The following APOL4 variants were observed in gnomAD, a reference collection of about 807,000 sequenced individuals.
The protein encoded by APOL4 is apolipoprotein L4.
A neutral mutation model predicts 12.1 loss-of-function variants in APOL4; 14 were observed. That is an observed-to-expected ratio of 1.16 (90% CI 0.76 to 1.81). The LOEUF (loss-of-function observed/expected upper bound fraction) is 1.81, where lower values mean the gene tolerates loss of function less well. Ranked by LOEUF, APOL4 falls within the 40% of genes most tolerant of loss-of-function variation. The pLI is 0.00. For synonymous variants in APOL4, 171 were observed against 160.6 expected (o/e 1.06, Z -0.49); for missense variants, 432 against 423.1 (o/e 1.02, Z -0.18).
intron 2 of APOL4, among the ~76,000 whole-genome samples, chr22:36,197,006 A>G (rs2014429330): frequency 6.6e-6 from 1 of 151,972 alleles, no homozygotes. Flanking sequence ...CTCAGCACTG[A>G]TCCTTGTGGC....
upstream of APOL4, among the ~76,000 whole-genome samples, chr22:36,202,270 C>T (rs2014605876): frequency 3.3e-5 from 5 of 152,232 alleles, no homozygotes; most frequent in South Asian, 1.0e-3. Flanking sequence ...CCATGCTGGG[C>T]TAATTTGTTA....
intron 2 of APOL4, among the ~76,000 whole-genome samples, chr22:36,197,302 G>A (rs1255529746): frequency 1.3e-5 from 2 of 152,306 alleles, no homozygotes; most frequent in East Asian, 3.9e-4. Context: ...GGTTGCCATG[G>A]CAACTCTGTA....
rs770202872 is a variant in APOL4 at position 36,191,111 on chromosome 22, C to T, written c.1011G>A (p.Glu337=). 32 of 1,608,742 alleles carry T rather than the reference C, an allele frequency of 2.0e-5. 1 individual carries two copies. The East Asian group carries it at 7.2e-4, about 36-fold the overall frequency. Residue 337 remains glutamate (E), a synonymous_variant, in exon 4 of 4, where the codon GAG becomes GAA. Coordinates refer to ENST00000683024, the MANE Select transcript of APOL4 (RefSeq NM_001386885.1). ...TTAGACTCTGATGGATATGGGTGAG[C>T]TCATTGAGATTCTCCTCCAGCTCCT... ...WAQELEENLN[E]LTHIHQSLKA...
Position 36,191,580 on chromosome 22 carries a change from G to C in APOL4, c.542C>G (p.Thr181Arg), listed in dbSNP as rs373653186. 9.9e-6 allele frequency: 16 copies of C among 1,613,484 alleles called. No homozygotes were observed. The highest frequency in any genetic ancestry group is 4.0e-5 in the African/African-American group (3 of 74,912). ...CACGATGCTGGAGGCGATCCCAGCC[G>C]TGGCAGATGCTATTCCCAGCCCTAC... is the stretch of plus-strand genomic sequence containing the variant. ...AGVGLGIASA[T>R]AGIASSIVEN... Residue 181 changes from threonine to arginine, a missense_variant, in exon 4 of 4, where the codon ACG becomes AGG. By Grantham distance (71) the Thr-to-Arg change is moderately conservative. Transcript: ENST00000683024.
intron 1 of APOL4, chr22:36,199,751 T>G: frequency 9.4e-7 from 1 of 1,068,176 alleles, no homozygotes; most frequent in African/African-American, 1.6e-5. Flanking sequence ...TAATTGATGA[T>G]AGCCAGTCTG....
intron 3 of APOL4, among the ~76,000 whole-genome samples, chr22:36,192,737 C>A (rs1332547513): frequency 6.6e-6 from 1 of 152,146 alleles, no homozygotes; most frequent in Admixed American, 6.5e-5. Context: ...TGGCTACAGG[C>A]CAGTATAGCA....
chr22:36,203,321 G>C (rs765747310), upstream of APOL4, among the ~76,000 whole-genome samples: 4 of 152,210 alleles, frequency 2.6e-5, no homozygotes, highest in Non-Finnish European at 5.9e-5. Context: ...ATTCAGTTTA[G>C]TGAGGGCGGG....
At position 36,189,900 on chromosome 22, in the gene APOL4, C is replaced by T. The variant is rs1390467174; in HGVS notation, c.*1175G>A. The T allele has an allele frequency of 5.9e-6, 1 of 168,370 alleles. No homozygotes were observed. The highest frequency in any genetic ancestry group is 1.3e-5 in the Non-Finnish European group (1 of 77,008). The allele number at this position is 168,370 out of a possible 1,614,324, so 10.4% of individuals were successfully genotyped here. The stretch of plus-strand genomic sequence containing the variant: ...ACTGAGTTCCATAAACTTTACCTCG[C>T]CCTCTTTATTCCCCTAAAAAATGTC... On this transcript the variant is annotated 3_prime_UTR_variant, in exon 4 of 4. Transcript: ENST00000683024.
At chr22:36,195,856 C>A (rs990922238) in intron 2 of APOL4, among the ~76,000 whole-genome samples, 6 of 150,276 alleles carry the variant, frequency 4.0e-5, no homozygotes, top group East Asian at 2.0e-4. Flanking sequence ...CCTGAGGCAG[C>A]CTCTGTAAGC....
Position 36,191,248 on chromosome 22 carries a change from C to T in APOL4, c.874G>A (p.Ala292Thr), listed in dbSNP as rs1420986508. ...AGCACAACAAGGACACCTGAAGTGG[C>T]CTTGCCCAGGTTCCGGGCTACTTTT... ...VRKVARNLGK[A>T]TSGVLVVLDV... Residue 292 changes from alanine to threonine, a missense_variant, in exon 4 of 4, where the codon GCC (alanine) becomes ACC (threonine). Physicochemically the swap from Ala to Thr is moderately conservative, Grantham distance 58. Coordinates refer to ENST00000683024, the MANE Select transcript of APOL4 (RefSeq NM_001386885.1). 1.4e-5 allele frequency: 23 copies of T among 1,614,026 alleles called. No individual in the cohort carries two copies. The highest frequency in any genetic ancestry group is 1.9e-5 in the Non-Finnish European group (22 of 1,179,888).
intron 2 of APOL4, among the ~76,000 whole-genome samples, chr22:36,197,251 C>G (rs1268890025): frequency 6.6e-6 from 1 of 152,186 alleles, no homozygotes; most frequent in Non-Finnish European, 1.5e-5. Context: ...TCAGCACAGC[C>G]CAGTTTGCTG....
At chr22:36,195,492 G>A in intron 2 of APOL4, 55 bp from the exon 3 acceptor site, 7 of 1,587,358 alleles carry the variant, frequency 4.4e-6, no homozygotes, top group Non-Finnish European at 6.0e-6. Flanking sequence ...CACATAAATG[G>A]CATTGAGTAT....
chr22:36,190,963 T>C lies in APOL4; in HGVS notation c.*112A>G, dbSNP rs1233666472. The C allele has an allele frequency of 7.4e-6, 7 of 944,098 alleles. No homozygotes were observed. The highest frequency in any genetic ancestry group is 1.1e-5 in the Non-Finnish European group (7 of 646,560). The allele number at this position is 944,098 out of a possible 1,614,324, so 58.5% of individuals were successfully genotyped here. On this transcript the variant is annotated 3_prime_UTR_variant, in exon 4 of 4. Coordinates refer to ENST00000683024, the MANE Select transcript of APOL4 (RefSeq NM_001386885.1). Reference sequence around the variant, plus strand: ...ACAGGCATAGGAAATTATAAAAGTATTAATTTGGGGAACTAATAAATGTCC... The same window carrying C: ...ACAGGCATAGGAAATTATAAAAGTACTAATTTGGGGAACTAATAAATGTCC...
chr22:36,200,325 C>T (rs571920109), intron 1 of APOL4, among the ~76,000 whole-genome samples: 212 of 152,338 alleles, frequency 1.4e-3, no homozygotes, highest in African/African-American at 4.7e-3. Context: ...TGTATACACG[C>T]TCATGGTAAA....
chr22:36,200,542 C>T (rs1228075147), intron 1 of APOL4, among the ~76,000 whole-genome samples: 2 of 152,258 alleles, frequency 1.3e-5, no homozygotes, highest in South Asian at 4.1e-4. Flanking sequence ...CTCTGCTGTC[C>T]TCCCCTAGCT....
At chr22:36,203,044 C>T (rs935620789), upstream of APOL4, among the ~76,000 whole-genome samples, 1 of 152,178 alleles carries the variant, frequency 6.6e-6, no homozygotes, top group Non-Finnish European at 1.5e-5. Flanking sequence ...CTCACAATTC[C>T]ACAGGTGGCT....
At position 36,191,448 on chromosome 22, in the gene APOL4, T is replaced by C. The variant is rs755653825; in HGVS notation, c.674A>G (p.Asn225Ser). 1.4e-5 allele frequency: 23 copies of C among 1,613,902 alleles called. No homozygotes were observed. Among genetic ancestry groups the C allele is most frequent in the Admixed American group, 3.3e-5 (2 of 60,010 alleles). Residue 225 changes from asparagine (N) to serine (S), a missense_variant, in exon 4 of 4, where the codon AAT (asparagine) becomes AGT (serine). Asn to Ser is a conservative substitution (Grantham distance 46). Coordinates refer to ENST00000683024, the MANE Select transcript of APOL4 (RefSeq NM_001386885.1). Reference protein sequence around the residue: ...LRDILRDITPNVLSFALDFDE... With the variant: ...LRDILRDITPSVLSFALDFDE... Reference sequence around the variant, plus strand: ...AAAATCAAGTGCAAAAGAAAGCACATTGGGTGTGATGTCACGCAGAATGTC... The same window carrying C: ...AAAATCAAGTGCAAAAGAAAGCACACTGGGTGTGATGTCACGCAGAATGTC...
upstream of APOL4, among the ~76,000 whole-genome samples, chr22:36,204,348 A>G (rs1237006641): frequency 6.6e-6 from 1 of 152,120 alleles, no homozygotes; most frequent in Non-Finnish European, 1.5e-5. Context: ...TCACCTGGCC[A>G]TGTCTCAGCA....
chr22:36,197,022 C>T (rs1365741857), intron 2 of APOL4, among the ~76,000 whole-genome samples: 4 of 152,156 alleles, frequency 2.6e-5, no homozygotes, highest in South Asian at 2.1e-4. Flanking sequence ...GTGGCCCCTC[C>T]GTGTTGCCTC....
Sources: allele counts gnomAD v4.1 joint callset (sites outside exome capture counted in the v4.1 genomes callset), GRCh38; gene constraint gnomAD v4.1.1; transcripts MANE v1.5; gene names NCBI Gene and HGNC (gene_info 2026-07-23, HGNC 2026-07-21).